The following DPP10 variants were observed in gnomAD, a reference collection of about 807,000 sequenced individuals.
DPP10 encodes the protein dipeptidyl peptidase like 10, also known as inactive dipeptidyl peptidase 10.
DPP10 carries 33 observed loss-of-function variants against 120.9 expected under a neutral mutation model. The ratio of observed to expected loss-of-function variants is 0.27; its 90% CI spans 0.21 to 0.37. The LOEUF is 0.37. Among genes scored for constraint, DPP10 ranks in the 10% least tolerant of loss-of-function variants. DPP10 has a pLI of 1.00. For missense variants in DPP10, 816 were observed against 942.8 expected (o/e 0.87, Z 1.76); for synonymous variants, 337 against 326.1 (o/e 1.03, Z -0.36).
rs1025956472 is a variant in DPP10 at position 115,843,894 on chromosome 2, G to A, written c.*1549G>A. 1 of 152,540 alleles carries A rather than the reference G, an allele frequency of 6.6e-6. No homozygotes were observed. The highest frequency in any genetic ancestry group is 6.5e-5 in the Admixed American group (1 of 15,270). The allele number at this position is 152,540 out of a possible 1,614,324, so 9.4% of individuals were successfully genotyped here. On this transcript the variant is annotated 3_prime_UTR_variant, in exon 26 of 26. Transcript: ENST00000410059. The stretch of plus-strand genomic sequence containing the variant: ...ACAGACTGAATTATCATAACTTATG[G>A]CATCAGGAGGAAACTTTAAAATATC...
At chr2:115,171,301 C>T (rs1052206161) in intron 1 of DPP10, among the ~76,000 whole-genome samples, 1 of 148,020 alleles carries the variant, frequency 6.8e-6, no homozygotes, top group Non-Finnish European at 1.5e-5. Flanking sequence ...GCAGAGGTTG[C>T]TGGGAGCCAA....
At chr2:114,851,641 TA>T (rs1270924814) in intron 1 of DPP10, among the ~76,000 whole-genome samples, 1 of 152,208 alleles carries the variant, frequency 6.6e-6, no homozygotes, top group Non-Finnish European at 1.5e-5. Context: ...AATTTCTTTG[TA>T]AACAACTATT....
chr2:114,807,444 A>G (rs962221185), intron 1 of DPP10, among the ~76,000 whole-genome samples: 1 of 152,204 alleles, frequency 6.6e-6, no homozygotes, highest in Non-Finnish European at 1.5e-5. Context: ...TGAAATATAC[A>G]ATAAATATTT....
chr2:115,014,295 A>G (rs1354080404), intron 1 of DPP10, among the ~76,000 whole-genome samples: 3 of 152,190 alleles, frequency 2.0e-5, no homozygotes, highest in South Asian at 4.1e-4. Context: ...TTTGAAACCA[A>G]TGAGAACAAA....
chr2:115,102,908 A>C (rs1489135064), intron 1 of DPP10, among the ~76,000 whole-genome samples: 1 of 152,222 alleles, frequency 6.6e-6, no homozygotes. Context: ...CAAGGACAAC[A>C]GGGCCAACAC....
intron 3 of DPP10, among the ~76,000 whole-genome samples, chr2:115,449,615 C>T (rs993407863): frequency 6.6e-6 from 1 of 152,074 alleles, no homozygotes; most frequent in African/African-American, 2.4e-5. Flanking sequence ...CCCAGTCTCT[C>T]TTCTAGCTAA....
chr2:115,545,704 C>T (rs2079459423), intron 5 of DPP10, among the ~76,000 whole-genome samples: 3 of 152,008 alleles, frequency 2.0e-5, no homozygotes, highest in African/African-American at 4.8e-5. Flanking sequence ...ATCACAAATC[C>T]CCAAATCCTC....
intron 7 of DPP10, among the ~76,000 whole-genome samples, chr2:115,716,502 C>T (rs188464177): frequency 7.2e-5 from 11 of 152,166 alleles, no homozygotes; most frequent in East Asian, 1.9e-4. Context: ...CCTTTTATTG[C>T]GGATCCTAAG....
At chr2:115,519,128 C>T (rs1050921071) in intron 4 of DPP10, among the ~76,000 whole-genome samples, 1 of 151,966 alleles carries the variant, frequency 6.6e-6, no homozygotes, top group African/African-American at 2.4e-5. Context: ...ACCTTTTCTG[C>T]CCTATTTTTT....
intron 1 of DPP10, among the ~76,000 whole-genome samples, chr2:114,834,725 CCATGTCTACGCACCTATGTATATATA>C (rs1687522275): frequency 8.2e-6 from 1 of 121,788 alleles, no homozygotes; most frequent in African/African-American, 2.9e-5. Context: ...TATATATAAG[CCATGTCTACGCACCTATGTATATATA>C]AGCCATGTCT....
At chr2:115,283,217 G>T (rs1403741140) in intron 1 of DPP10, among the ~76,000 whole-genome samples, 13 of 151,696 alleles carry the variant, frequency 8.6e-5, no homozygotes, top group Non-Finnish European at 1.9e-4. Flanking sequence ...CTCAATTACG[G>T]TATTATAAAT....
chr2:115,694,761 G>T (rs371414234), intron 7 of DPP10, among the ~76,000 whole-genome samples: 35 of 152,256 alleles, frequency 2.3e-4, no homozygotes, highest in African/African-American at 8.2e-4. Flanking sequence ...TTGAATGGAA[G>T]TTTGTGGTTA....
chr2:115,412,167 C>G (rs1712004), intron 3 of DPP10, among the ~76,000 whole-genome samples: 133,881 of 152,136 alleles, frequency 0.88, 59,173 homozygotes, highest in Non-Finnish European at 0.92. Flanking sequence ...CATAATTGCA[C>G]CTAAAACAGG....
chr2:114,461,665 C>T (rs1052083616), intron 1 of DPP10: 10 of 985,268 alleles, frequency 1.0e-5, no homozygotes, highest in African/African-American at 5.2e-5. Flanking sequence ...GCCTGCTCTT[C>T]GGAGACAAAT....
At chr2:115,271,921 T>G (rs1053019781) in intron 1 of DPP10, among the ~76,000 whole-genome samples, 35 of 152,232 alleles carry the variant, frequency 2.3e-4, no homozygotes, top group Admixed American at 2.2e-3. Context: ...AAAATATTTC[T>G]TATTTAATCA....
chr2:115,070,026 C>T (rs949235431), intron 1 of DPP10, among the ~76,000 whole-genome samples: 1 of 151,986 alleles, frequency 6.6e-6, no homozygotes, highest in African/African-American at 2.4e-5. Context: ...TAGATTTAAA[C>T]TTAATAACCT....
intron 1 of DPP10, among the ~76,000 whole-genome samples, chr2:115,077,822 T>C (rs796961407): frequency 7.2e-5 from 11 of 152,324 alleles, no homozygotes; most frequent in African/African-American, 2.6e-4. Flanking sequence ...TTCAGGACTT[T>C]CCTCCTTGCT....
chr2:114,529,701 T>G (rs1161055640), intron 1 of DPP10, among the ~76,000 whole-genome samples: 1 of 152,172 alleles, frequency 6.6e-6, no homozygotes, highest in Non-Finnish European at 1.5e-5. Flanking sequence ...TATTTTAAAT[T>G]CAGTGGTAGA....
intron 3 of DPP10, among the ~76,000 whole-genome samples, chr2:115,414,079 C>T (rs577339229): frequency 6.6e-6 from 1 of 152,060 alleles, no homozygotes; most frequent in Non-Finnish European, 1.5e-5. Flanking sequence ...TTAATACAAA[C>T]CTGATTCATG....
Sources: allele counts gnomAD v4.1 joint callset (sites outside exome capture counted in the v4.1 genomes callset), GRCh38; gene constraint gnomAD v4.1.1; transcripts MANE v1.5; gene names NCBI Gene and HGNC (gene_info 2026-07-23, HGNC 2026-07-21).